Variants in CAVIN1 observed in about 807,000 individuals in gnomAD.
CAVIN1 encodes the protein caveolae associated protein 1.
CAVIN1 carries 16 observed loss-of-function variants against 24.0 expected under a neutral mutation model. That is an observed-to-expected ratio of 0.67 (90% CI 0.45 to 1.01). The LOEUF is 1.01. CAVIN1 is among the 50% of genes least tolerant of loss of function. The pLI is 0.00. For synonymous variants in CAVIN1, 256 were observed against 256.4 expected (o/e 1.00, Z 0.02); for missense variants, 510 against 551.7 (o/e 0.92, Z 0.76).
At chr17:42,407,732 G>A (rs2085454021) in intron 1 of CAVIN1, among the ~76,000 whole-genome samples, 1 of 152,174 alleles carries the variant, frequency 6.6e-6, no homozygotes, top group Non-Finnish European at 1.5e-5. Flanking sequence ...GTCTCTACCT[G>A]CCATAGACGG....
At chr17:42,416,768 G>T (rs926792973) in intron 1 of CAVIN1, among the ~76,000 whole-genome samples, 1 of 152,012 alleles carries the variant, frequency 6.6e-6, no homozygotes, top group African/African-American at 2.4e-5. Flanking sequence ...CTCCATGGCC[G>T]CTGGGTTTTA....
chr17:42,413,940 G>A (rs2085496874), intron 1 of CAVIN1, among the ~76,000 whole-genome samples: 1 of 152,152 alleles, frequency 6.6e-6, no homozygotes, highest in African/African-American at 2.4e-5. Context: ...CTGTCACCCA[G>A]GCTGTGGAGT....
At chr17:42,421,519 C>T (rs898664129) in intron 1 of CAVIN1, among the ~76,000 whole-genome samples, 13 of 152,158 alleles carry the variant, frequency 8.5e-5, no homozygotes, top group African/African-American at 3.1e-4. Context: ...ATCAGCAGGC[C>T]TTTGGGAGGC....
At chr17:42,419,206 A>G (rs1350729244) in intron 1 of CAVIN1, among the ~76,000 whole-genome samples, 3 of 152,038 alleles carry the variant, frequency 2.0e-5, no homozygotes, top group African/African-American at 7.2e-5. Context: ...GAAAAACAAA[A>G]CCAAAAAACC....
At position 42,405,393 on chromosome 17, in the gene CAVIN1, G is replaced by C; in HGVS notation, c.472-5C>G. On this transcript the variant is annotated splice_region_variant and splice_polypyrimidine_tract_variant and intron_variant, in intron 1 of 1. Coordinates refer to ENST00000357037, the MANE Select transcript of CAVIN1 (RefSeq NM_012232.6). ...GGCCGGCAGCTTCACTTCATCCTAA[G>C]GGAAGAGGAGAAGGGACATGAGAGG... 8 of 1,602,984 alleles carry C rather than the reference G, an allele frequency of 5.0e-6. No individual in the cohort carries two copies. The highest frequency in any genetic ancestry group is 6.8e-6 in the Non-Finnish European group (8 of 1,179,912).
At chr17:42,421,474 G>T (rs528626899) in intron 1 of CAVIN1, among the ~76,000 whole-genome samples, 1 of 152,216 alleles carries the variant, frequency 6.6e-6, no homozygotes, top group African/African-American at 2.4e-5. Flanking sequence ...TAACCCCCCT[G>T]CCCCACACGA....
chr17:42,419,353 G>A (rs1030005473), intron 1 of CAVIN1, among the ~76,000 whole-genome samples: 4 of 151,552 alleles, frequency 2.6e-5, no homozygotes, highest in Admixed American at 6.6e-5. Context: ...TCACTCTGTC[G>A]CCCAGGCTGG....
Position 42,422,797 on chromosome 17 carries a change from C to T in CAVIN1, c.301G>A (p.Ala101Thr), listed in dbSNP as rs573158499. The T allele has an allele frequency of 3.7e-6, 6 of 1,613,764 alleles. No homozygotes were observed. The South Asian group carries it at 5.5e-5, about 15-fold the overall frequency. ...TTGCTCACCGTATTGCTCGTGGTGG[C>T]GTGCGCCTTGCCCAGCTTGCTCAGC... ...GELSKLGKAHATTSNTVSKLL... is the reference protein window; with the variant it reads ...GELSKLGKAHTTTSNTVSKLL... The change falls in exon 1 of 2, where the codon GCC becomes ACC. Residue 101 changes from alanine (A) to threonine (T), a missense_variant. By Grantham distance (58) the Ala-to-Thr change is moderately conservative. Transcript: ENST00000357037.
chr17:42,406,195 A>T (rs550526844), intron 1 of CAVIN1, among the ~76,000 whole-genome samples: 5 of 152,210 alleles, frequency 3.3e-5, no homozygotes, highest in Non-Finnish European at 5.9e-5. Context: ...ACACAGCTCC[A>T]CTTTGGAAAT....
intron 1 of CAVIN1, among the ~76,000 whole-genome samples, chr17:42,417,063 T>C (rs1418377704): frequency 1.3e-5 from 2 of 152,162 alleles, no homozygotes; most frequent in Non-Finnish European, 2.9e-5. Flanking sequence ...GGTCACTGAC[T>C]TTGCCTCCTC....
chr17:42,405,682 GTTTTTTT>G (rs531661585), intron 1 of CAVIN1, among the ~76,000 whole-genome samples: 1 of 57,820 alleles, frequency 1.7e-5, no homozygotes, highest in African/African-American at 4.9e-5. Flanking sequence ...CTCTCTCCTT[GTTTTTTT>G]TTTTTTTTTT....
chr17:42,421,800 C>G (rs2085548457), intron 1 of CAVIN1, among the ~76,000 whole-genome samples: 1 of 152,114 alleles, frequency 6.6e-6, no homozygotes, highest in Non-Finnish European at 1.5e-5. Flanking sequence ...CCCCCGCAGG[C>G]ATGCGGGGTG....
rs1203180555 is a variant in CAVIN1, at chr17:42,403,839, G to C, written c.*848C>G. 2 of 152,250 alleles carry C rather than the reference G, an allele frequency of 1.3e-5. No individual in the cohort carries two copies. The highest frequency in any genetic ancestry group is 4.8e-5 in the African/African-American group (2 of 41,402). 9.4% of individuals were successfully genotyped at this position (152,250 alleles called of 1,614,324 possible). ...GATGGGTTTTCGCTTAGTAGAGATG[G>C]GGTGTTTGCCAGGCTGGTCCCGAAC... On this transcript the variant is annotated 3_prime_UTR_variant, in exon 2 of 2. Coordinates refer to ENST00000357037, the MANE Select transcript of CAVIN1 (RefSeq NM_012232.6).
intron 1 of CAVIN1, among the ~76,000 whole-genome samples, chr17:42,420,230 C>T (rs2085537123): frequency 6.6e-6 from 1 of 152,224 alleles, no homozygotes; most frequent in South Asian, 2.1e-4. Context: ...CAACATCCTC[C>T]CCCTTCAGCC....
intron 1 of CAVIN1, among the ~76,000 whole-genome samples, chr17:42,405,664 TTCTC>T (rs1430511648): frequency 1.4e-5 from 2 of 145,866 alleles, no homozygotes; most frequent in African/African-American, 2.5e-5. Context: ...TCGCCATTCT[TTCTC>T]TCTCTCTCTC....
rs1028807902 is a variant in CAVIN1, at chr17:42,404,375, GC to G, written c.*311del. On this transcript the variant is annotated 3_prime_UTR_variant, in exon 2 of 2. Transcript: ENST00000357037. ...GTGGGGAGAGGCTGAGGGGAAGGCA[GC>G]CCCCCCAGGGGGGCCTAACCGTGGA... is the stretch of plus-strand genomic sequence containing the variant. 5 of 243,634 alleles carry G rather than the reference GC, an allele frequency of 2.1e-5. No homozygotes were observed. Among genetic ancestry groups the G allele is most frequent in the African/African-American group, 4.6e-5 (2 of 43,820 alleles). 15.1% of individuals were successfully genotyped at this position (243,634 alleles called of 1,614,324 possible).
intron 1 of CAVIN1, among the ~76,000 whole-genome samples, chr17:42,418,229 CTTT>C (rs555569816): frequency 1.3e-4 from 17 of 129,446 alleles, no homozygotes; most frequent in Admixed American, 5.6e-4. Flanking sequence ...ACTGTATTTC[CTTT>C]TTTTTTTTTT....
chr17:42,423,040 C>T lies in CAVIN1; in HGVS notation c.58G>A (p.Glu20Lys). The change falls in exon 1 of 2, where the codon GAG becomes AAG. Residue 20 changes from glutamate to lysine, a missense_variant. By Grantham distance (56) the Glu-to-Lys change is moderately conservative. Coordinates refer to ENST00000357037, the MANE Select transcript of CAVIN1 (RefSeq NM_012232.6). ...ERPLPGYPDA[E>K]APEPSSAGAQ... is the part of the protein sequence containing the mutation. ...CCAGCGGAGGAAGGCTCCGGGGCCT[C>T]GGCGTCGGGGTACCCGGGAAGCGGC... is the stretch of plus-strand genomic sequence containing the variant. 1.2e-6 allele frequency: 2 copies of T among 1,610,546 alleles called. No homozygotes were observed. Among genetic ancestry groups the T allele is most frequent in the Non-Finnish European group, 1.7e-6 (2 of 1,178,946 alleles).
At chr17:42,418,023 T>G (rs1298839484) in intron 1 of CAVIN1, among the ~76,000 whole-genome samples, 1 of 152,132 alleles carries the variant, frequency 6.6e-6, no homozygotes, top group Non-Finnish European at 1.5e-5. Context: ...GTGTTATAGT[T>G]GCCTACAGTA....
Sources: allele counts gnomAD v4.1 joint callset (sites outside exome capture counted in the v4.1 genomes callset), GRCh38; gene constraint gnomAD v4.1.1; transcripts MANE v1.5; gene names NCBI Gene and HGNC (gene_info 2026-07-23, HGNC 2026-07-21).